The following PHACTR1 variants were observed in gnomAD, a reference collection of about 807,000 sequenced individuals.
PHACTR1 encodes RPEL repeat containing 1.
A neutral mutation model predicts 69.2 loss-of-function variants in PHACTR1; 16 were observed. The ratio of observed to expected loss-of-function variants is 0.23; its 90% CI spans 0.16 to 0.35. The LOEUF is 0.35. PHACTR1 is among the 10% of genes least tolerant of loss of function. The probability of loss-of-function intolerance (pLI) is 1.00; values close to 1 mark genes in which losing one functional copy is unlikely to be tolerated. For missense variants in PHACTR1, 510 were observed against 734.7 expected (o/e 0.69, Z 3.54); for synonymous variants, 312 against 284.5 (o/e 1.10, Z -0.97).
chr6:12,970,147 G>A (rs949129859), intron 4 of PHACTR1, among the ~76,000 whole-genome samples: 2 of 152,196 alleles, frequency 1.3e-5, no homozygotes, highest in Admixed American at 1.3e-4. Context: ...GAAGCTGAAT[G>A]TGCTGTCTGT....
chr6:12,913,719 C>G (rs767313779), intron 4 of PHACTR1, among the ~76,000 whole-genome samples: 2 of 152,224 alleles, frequency 1.3e-5, no homozygotes, highest in East Asian at 3.9e-4. Context: ...CCAGAATCAT[C>G]AGCAGCTGAG....
chr6:13,021,941 G>C (rs1042241504), intron 4 of PHACTR1, among the ~76,000 whole-genome samples: 1 of 152,190 alleles, frequency 6.6e-6, no homozygotes, highest in Non-Finnish European at 1.5e-5. Context: ...AGAGAAGAGG[G>C]TCAGAGAGTC....
At chr6:13,247,181 T>C (rs1197003176) in intron 10 of PHACTR1, among the ~76,000 whole-genome samples, 4 of 152,140 alleles carry the variant, frequency 2.6e-5, no homozygotes, top group African/African-American at 7.2e-5. Flanking sequence ...TGAAAAGAAA[T>C]AGGTAGACAG....
chr6:12,823,218 T>A (rs985682406), intron 4 of PHACTR1, among the ~76,000 whole-genome samples: 1 of 152,218 alleles, frequency 6.6e-6, no homozygotes, highest in African/African-American at 2.4e-5. Context: ...AATAAGTCAC[T>A]TTGACCTAAG....
At chr6:12,944,790 T>TATTTA (rs760655740) in intron 4 of PHACTR1, among the ~76,000 whole-genome samples, 154 of 144,082 alleles carry the variant, frequency 1.1e-3, no homozygotes, top group African/African-American at 3.4e-3. Context: ...TTTATTTATT[T>TATTTA]TTTTTTTTTT....
intron 10 of PHACTR1, among the ~76,000 whole-genome samples, chr6:13,249,183 CAGG>C (rs1774001886): frequency 6.6e-6 from 1 of 152,120 alleles, no homozygotes; most frequent in Admixed American, 6.5e-5. Flanking sequence ...GGCCCCACAG[CAGG>C]AGATGAGTGG....
intron 4 of PHACTR1, among the ~76,000 whole-genome samples, chr6:12,790,928 A>G (rs767478265): frequency 2.0e-5 from 3 of 152,178 alleles, no homozygotes; most frequent in Non-Finnish European, 4.4e-5. Context: ...ATGGGGGAAG[A>G]CTAATTTCCC....
At chr6:13,035,745 T>C (rs1803207737) in intron 4 of PHACTR1, among the ~76,000 whole-genome samples, 2 of 152,190 alleles carry the variant, frequency 1.3e-5, no homozygotes, top group East Asian at 3.8e-4. Flanking sequence ...ATGGGACTCA[T>C]GACTCTCCAT....
intron 4 of PHACTR1, among the ~76,000 whole-genome samples, chr6:13,014,768 C>T (rs1226424513): frequency 5.3e-5 from 8 of 152,226 alleles, no homozygotes; most frequent in African/African-American, 1.9e-4. Flanking sequence ...CCAGGTGAGC[C>T]TGGGCGTGTG....
At chr6:12,863,417 C>T (rs1781136471) in intron 4 of PHACTR1, among the ~76,000 whole-genome samples, 1 of 152,144 alleles carries the variant, frequency 6.6e-6, no homozygotes, top group African/African-American at 2.4e-5. Flanking sequence ...TCCTATAAAC[C>T]TGATTAATTC....
At chr6:12,750,533 AAGG>A (rs1008903306) in intron 4 of PHACTR1, among the ~76,000 whole-genome samples, 7 of 135,942 alleles carry the variant, frequency 5.1e-5, no homozygotes, top group African/African-American at 1.6e-4. Context: ...GGAAGGAAAG[AAGG>A]AGGGAAGGAA....
intron 7 of PHACTR1, among the ~76,000 whole-genome samples, chr6:13,187,144 C>T (rs1292821027): frequency 1.3e-5 from 2 of 152,150 alleles, no homozygotes; most frequent in African/African-American, 4.8e-5. Context: ...GCTTTGCTCA[C>T]TCACCCGCCA....
chr6:13,143,313 ATGCT>A (rs1822793276), intron 5 of PHACTR1, among the ~76,000 whole-genome samples: 1 of 152,230 alleles, frequency 6.6e-6, no homozygotes, highest in African/African-American at 2.4e-5. Flanking sequence ...CAAAGGATAA[ATGCT>A]TGAGGTGATA....
chr6:13,068,866 A>G (rs1809069237), intron 5 of PHACTR1, among the ~76,000 whole-genome samples: 1 of 152,198 alleles, frequency 6.6e-6, no homozygotes, highest in Non-Finnish European at 1.5e-5. Context: ...GTGGCAAGTC[A>G]GAAGGCTCGA....
chr6:12,870,454 G>A (rs1781917093), intron 4 of PHACTR1, among the ~76,000 whole-genome samples: 1 of 152,056 alleles, frequency 6.6e-6, no homozygotes, highest in Admixed American at 6.6e-5. Context: ...AGAGGGATTT[G>A]GTAGAATGAT....
At chr6:12,741,767 C>A (rs1765078182) in intron 3 of PHACTR1, among the ~76,000 whole-genome samples, 1 of 57,206 alleles carries the variant, frequency 1.7e-5, no homozygotes, top group Non-Finnish European at 4.7e-5. Flanking sequence ...TTGTCAAACT[C>A]CAAAAAAAAA....
At chr6:12,853,173 T>G (rs1027326557) in intron 4 of PHACTR1, among the ~76,000 whole-genome samples, 29 of 152,238 alleles carry the variant, frequency 1.9e-4, no homozygotes, top group Admixed American at 1.8e-3. Flanking sequence ...CATTGTAAAA[T>G]GTATAAAATT....
intron 13 of PHACTR1, among the ~76,000 whole-genome samples, chr6:13,285,161 T>C (rs906191951): frequency 6.6e-6 from 1 of 152,210 alleles, no homozygotes; most frequent in Non-Finnish European, 1.5e-5. Flanking sequence ...TGCACCCTCA[T>C]AGAGTTCTGA....
intron 3 of PHACTR1, among the ~76,000 whole-genome samples, chr6:12,744,529 G>A (rs1287796051): frequency 6.6e-6 from 1 of 152,104 alleles, no homozygotes; most frequent in Non-Finnish European, 1.5e-5. Context: ...TTTGGGTCTG[G>A]AGTCTCCTCA....
Sources: allele counts gnomAD v4.1 joint callset (sites outside exome capture counted in the v4.1 genomes callset), GRCh38; gene constraint gnomAD v4.1.1; transcripts MANE v1.5; gene names NCBI Gene and HGNC (gene_info 2026-07-23, HGNC 2026-07-21).